SLC47A2: variants seen among roughly 807,000 people sequenced by gnomAD.
SLC47A2 encodes the protein solute carrier family 47 member 2.
In SLC47A2, 52 loss-of-function variants were observed where a neutral mutation model predicts 67.7. The observed-to-expected ratio is 0.77, with a 90% CI of 0.61 to 0.97. The LOEUF (loss-of-function observed/expected upper bound fraction) is 0.97. SLC47A2 is among the 50% of genes least tolerant of loss of function. SLC47A2 has a pLI of 0.00. For synonymous variants in SLC47A2, 278 were observed against 292.9 expected, an observed-to-expected ratio of 0.95 and a Z score of 0.52; for missense variants, 676 against 712.3, an observed-to-expected ratio of 0.95 and a Z score of 0.58.
intron 10 of SLC47A2, 117 bp downstream of exon 10, chr17:19,705,319 C>G (rs2085900844): frequency 8.7e-7 from 1 of 1,151,060 alleles, no homozygotes. Context: ...CACGAGAGGC[C>G]CGGGGAGGGT....
Position 19,678,403 on chromosome 17 carries a change from A to G in SLC47A2, c.*283T>C. On this transcript the variant is annotated 3_prime_UTR_variant, in exon 17 of 17. Transcript: ENST00000433844. ...ATTTGAAGCCATTTACATTATTAAT[A>G]ATAGTGACAATCCCTGGACTCTGAC... The G allele has an allele frequency of 2.3e-6, 1 of 427,298 alleles. No homozygotes were observed. The highest frequency in any genetic ancestry group is 4.2e-6 in the Non-Finnish European group (1 of 235,360). The allele number at this position is 427,298 out of a possible 1,614,324, so 26.5% of individuals were successfully genotyped here.
In SLC47A2 at chr17:19,708,749, A is replaced by G; in HGVS notation, c.498T>C (p.Leu166=). The G allele has an allele frequency of 6.2e-7, 1 of 1,614,020 alleles. No homozygotes were observed. The highest frequency in any genetic ancestry group is 1.1e-5 in the South Asian group (1 of 91,078). ...GCAAATATTTTGCCAGCAGATTGTA[A>G]AGAAAAATCACCTGTATGAAAAGCA... is the stretch of plus-strand genomic sequence containing the variant. The part of the protein sequence containing the change: ...IFIPGLPVIF[L]YNLLAKYLQN... Residue 166 remains leucine (L), a synonymous_variant, in exon 6 of 17, where the codon CTT becomes CTC. Transcript: ENST00000433844.
chr17:19,708,865 A>C, intron 5 of SLC47A2, 105 bp from the exon 6 acceptor site: 3 of 1,386,580 alleles, frequency 2.2e-6, no homozygotes, highest in Non-Finnish European at 3.0e-6. Context: ...AGATTGGGGA[A>C]ATTACTTCAT....
rs781705181 is a variant in SLC47A2, at chr17:19,708,338, T to C, written c.593A>G (p.Asn198Ser). 2 of 1,613,552 alleles carry C rather than the reference T, an allele frequency of 1.2e-6. No homozygotes were observed. The highest frequency in any genetic ancestry group is 2.2e-5 in the East Asian group (1 of 44,872). Residue 198 changes from asparagine (N) to serine (S), a missense_variant, in exon 7 of 17, where the codon AAC becomes AGC. Transcript: ENST00000433844. ...VVGNCVNGVA[N>S]YALVSVLNLG... is the part of the protein sequence containing the mutation. ...GTTCAGCACAGAAACCAGGGCATAGTTGGCCACACCGTTGACACAGTTGCC... is the reference window on the plus strand; with the variant it reads ...GTTCAGCACAGAAACCAGGGCATAGCTGGCCACACCGTTGACACAGTTGCC...
chr17:19,708,549 C>A, intron 6 of SLC47A2, 150 bp from the exon 7 acceptor site: 1 of 1,611,452 alleles, frequency 6.2e-7, no homozygotes, highest in Non-Finnish European at 8.5e-7. Flanking sequence ...CAGCCTCTCA[C>A]CTGCCTCTGT....
intron 1 of SLC47A2, 193 bp downstream of exon 1, chr17:19,716,240 A>G (rs1015017346): frequency 4.1e-5 from 36 of 872,268 alleles, no homozygotes; most frequent in Non-Finnish European, 5.7e-5. Flanking sequence ...GTCAGGCCCC[A>G]CTGCCACTGG....
chr17:19,715,052 C>T (rs1039305654), intron 2 of SLC47A2, 64 bp downstream of exon 2: 16 of 1,553,684 alleles, frequency 1.0e-5, no homozygotes, highest in South Asian at 5.6e-5. Flanking sequence ...CGGGCCCACC[C>T]GGGAACCCGG....
intron 15 of SLC47A2, 115 bp from the exon 16 acceptor site, chr17:19,680,154 A>G (rs1246942121): frequency 5.3e-6 from 5 of 946,016 alleles, no homozygotes; most frequent in Non-Finnish European, 7.9e-6. Flanking sequence ...GCATATATGC[A>G]TGTATTCATA....
At chr17:19,706,260 G>A (rs1220449258) in intron 9 of SLC47A2, among the ~76,000 whole-genome samples, 1 of 152,202 alleles carries the variant, frequency 6.6e-6, no homozygotes, top group Non-Finnish European at 1.5e-5. Flanking sequence ...GGCAGCAGGT[G>A]GGAGCCTCAC....
Position 19,708,227 on chromosome 17 carries a change from G to A in SLC47A2, c.629+75C>T, listed in dbSNP as rs183837954. 1.3e-4 allele frequency: 196 copies of A among 1,538,534 alleles called. No individual in the cohort carries two copies. In the African/African-American group the frequency reaches 2.6e-3, roughly 20 times the overall value. ...CACAGGCAGGGCCAGGATGGTGACT[G>A]ATCTGTCTCCACCAGGGGTGGAGAG... On this transcript the variant is annotated intron_variant, in intron 7 of 16. Coordinates refer to ENST00000433844, the MANE Select transcript of SLC47A2 (RefSeq NM_001099646.3).
At chr17:19,714,330 C>T in intron 3 of SLC47A2, 1 of 392,782 alleles carries the variant, frequency 2.5e-6, no homozygotes, top group Non-Finnish European at 4.7e-6. Context: ...CCTGGGCAGC[C>T]CCTGCTGGAC....
chr17:19,705,787 CAG>C (rs1401744429), intron 9 of SLC47A2, among the ~76,000 whole-genome samples: 6 of 152,100 alleles, frequency 3.9e-5, no homozygotes, highest in African/African-American at 1.4e-4. Context: ...TTTGTAGAAA[CAG>C]AGTTTCGCCA....
chr17:19,695,718 C>A (rs1195797824), intron 13 of SLC47A2, among the ~76,000 whole-genome samples: 2 of 151,264 alleles, frequency 1.3e-5, no homozygotes, highest in Admixed American at 1.3e-4. Context: ...ACAAAAGATA[C>A]TGAAATTCCT....
rs1433387390 is a variant in SLC47A2, at chr17:19,715,119, C to T, written c.222G>A (p.Val74=). 1 of 1,611,782 alleles carries T rather than the reference C, an allele frequency of 6.2e-7. No homozygotes were observed. Among genetic ancestry groups the T allele is most frequent in the African/African-American group, 1.3e-5 (1 of 75,062 alleles). ...KVELASVTLA[V]AFVNVCGVSV... ...CTGGGCCAAGCTGGGTACTCACGGC[C>T]ACCGCGAGGGTCACCGATGCCAGCT... The change falls in exon 2 of 17, where the codon GTG becomes GTA. Residue 74 remains valine, a synonymous_variant. Coordinates refer to ENST00000433844, the MANE Select transcript of SLC47A2 (RefSeq NM_001099646.3).
At chr17:19,716,951 G>A (rs34834489), upstream of SLC47A2, 50,730 of 176,844 alleles carry the variant, frequency 0.29, 8,432 homozygotes, top group Non-Finnish European at 0.36. Flanking sequence ...TCCTGTACCC[G>A]GGCGTGATGG....
intron 13 of SLC47A2, among the ~76,000 whole-genome samples, chr17:19,693,363 C>T (rs1368948343): frequency 6.6e-6 from 1 of 152,002 alleles, no homozygotes; most frequent in African/African-American, 2.4e-5. Flanking sequence ...TGAAAAAGGG[C>T]ATTTAGGGAA....
At chr17:19,681,225 A>G (rs1028476976) in intron 15 of SLC47A2, 142 bp downstream of exon 15, 1 of 677,372 alleles carries the variant, frequency 1.5e-6, no homozygotes, top group Non-Finnish European at 2.5e-6. Context: ...AAACAAACAA[A>G]CAAAAAAAAA....
intron 9 of SLC47A2, among the ~76,000 whole-genome samples, 161 bp from the exon 10 acceptor site, chr17:19,705,664 A>G (rs932925751): frequency 1.2e-4 from 18 of 151,846 alleles, no homozygotes; most frequent in African/African-American, 4.1e-4. Context: ...CAGTGGCGCA[A>G]TTATAGCTCA....
intron 2 of SLC47A2, 144 bp downstream of exon 2, chr17:19,714,972 G>C: frequency 2.4e-6 from 3 of 1,250,374 alleles, no homozygotes; most frequent in Non-Finnish European, 3.4e-6. Flanking sequence ...CGGCCCTCAG[G>C]TTCCACCTGT....
Sources: allele counts gnomAD v4.1 joint callset (sites outside exome capture counted in the v4.1 genomes callset), GRCh38; gene constraint gnomAD v4.1.1; transcripts MANE v1.5; gene names NCBI Gene and HGNC (gene_info 2026-07-23, HGNC 2026-07-21).